The following FBXO42 variants were observed in gnomAD, a reference collection of about 807,000 sequenced individuals.
FBXO42 encodes the protein F-box only protein 42.
Under a neutral mutation model 71.7 loss-of-function variants are expected in FBXO42, and 12 were observed. The ratio of observed to expected loss-of-function variants is 0.17; its 90% CI spans 0.11 to 0.27. The LOEUF (loss-of-function observed/expected upper bound fraction) is 0.27. Ranked by LOEUF, FBXO42 falls within the 10% of genes least tolerant of loss-of-function variation. The pLI is 1.00. For synonymous variants in FBXO42, 325 were observed against 327.5 expected, an observed-to-expected ratio of 0.99 and a Z score of 0.08; for missense variants, 707 against 911.9, an observed-to-expected ratio of 0.78 and a Z score of 2.89.
Position 16,284,529 on chromosome 1 carries a change from AT to A in FBXO42, c.502+10253del, listed in dbSNP as rs139344951. 3.4e-3 allele frequency among the ~76,000 whole-genome samples: 514 copies of A among 152,166 alleles called. 2 individuals are homozygous for A. Among genetic ancestry groups the A allele is most frequent in the African/African-American group, 0.012 (492 of 41,520 alleles). ...CATCAGCATACATGTATGCTATAAA[AT>A]CTGTCATCTTAAAAAAACGAGCTGG... On this transcript the variant is annotated intron_variant, in intron 4 of 9. Transcript: ENST00000375592.
intron 4 of FBXO42, among the ~76,000 whole-genome samples, chr1:16,281,453 C>CT (rs2081962230): frequency 6.7e-6 from 1 of 150,186 alleles, no homozygotes; most frequent in Non-Finnish European, 1.5e-5. Context: ...GTGGCTATTT[C>CT]TTTTCTTTTT....
At chr1:16,343,361 T>C (rs1401312159) in intron 1 of FBXO42, among the ~76,000 whole-genome samples, 4 of 151,374 alleles carry the variant, frequency 2.6e-5, no homozygotes, top group East Asian at 3.9e-4. Flanking sequence ...GTGGGCAACA[T>C]GGCAAAACTC....
At chr1:16,259,262 A>G (rs1402847089) in intron 4 of FBXO42, among the ~76,000 whole-genome samples, 3 of 152,250 alleles carry the variant, frequency 2.0e-5, no homozygotes, top group South Asian at 2.1e-4. Flanking sequence ...TTGCTCTAAA[A>G]TAATTTAATT....
At chr1:16,311,487 CAAAA>C (rs138051911) in intron 2 of FBXO42, among the ~76,000 whole-genome samples, 62 of 110,760 alleles carry the variant, frequency 5.6e-4, no homozygotes, top group African/African-American at 1.6e-3. Flanking sequence ...GATCTTGTCT[CAAAA>C]AAAAAAAAAA....
chr1:16,254,969 ATG>A (rs1231941387), intron 6 of FBXO42, among the ~76,000 whole-genome samples: 1 of 151,842 alleles, frequency 6.6e-6, no homozygotes, highest in East Asian at 1.9e-4. Flanking sequence ...TGCCCTTTAC[ATG>A]TGGCTCAACC....
At position 16,285,114 on chromosome 1, in the gene FBXO42, C is replaced by T. The variant is rs1015910014; in HGVS notation, c.502+9669G>A. On this transcript the variant is annotated intron_variant, in intron 4 of 9. Transcript: ENST00000375592. ...TGAGCCGAGATCGCACCCCTGTACT[C>T]CAGCCCCGCGACACTGCAAGACTCA... is the stretch of plus-strand genomic sequence containing the variant. Among the ~76,000 whole-genome samples the T allele has an allele frequency of 2.6e-5, 4 of 151,842 alleles. No homozygotes were observed. The South Asian group carries it at 6.3e-4, about 24-fold the overall frequency.
intron 1 of FBXO42, among the ~76,000 whole-genome samples, chr1:16,333,676 C>T (rs1358397013): frequency 6.6e-6 from 1 of 152,170 alleles, no homozygotes; most frequent in Non-Finnish European, 1.5e-5. Context: ...GGCAAGAGCA[C>T]TAAAGCAATC....
At chr1:16,303,927 AT>A (rs906819487) in intron 3 of FBXO42, among the ~76,000 whole-genome samples, 26 of 151,278 alleles carry the variant, frequency 1.7e-4, no homozygotes, top group African/African-American at 5.6e-4. Flanking sequence ...TTATATATAT[AT>A]TTTTTTAAGA....
chr1:16,312,823 CTCTG>C (rs895812479), intron 2 of FBXO42, among the ~76,000 whole-genome samples: 1 of 148,748 alleles, frequency 6.7e-6, no homozygotes, highest in Admixed American at 6.8e-5. Context: ...GAGACAGAAT[CTCTG>C]TCTGTCATCC....
intron 4 of FBXO42, among the ~76,000 whole-genome samples, chr1:16,257,878 AC>A (rs2081662952): frequency 6.6e-6 from 1 of 152,096 alleles, no homozygotes; most frequent in Non-Finnish European, 1.5e-5. Context: ...ATGGGGTTTC[AC>A]CATGTTGGCC....
At chr1:16,263,611 T>G (rs965916188) in intron 4 of FBXO42, among the ~76,000 whole-genome samples, 8 of 151,294 alleles carry the variant, frequency 5.3e-5, no homozygotes, top group Non-Finnish European at 8.8e-5. Flanking sequence ...TAATCCCAGC[T>G]TCTTGTGAGG....
chr1:16,351,773 G>T (rs1269131296), intron 1 of FBXO42, among the ~76,000 whole-genome samples: 1 of 152,188 alleles, frequency 6.6e-6, no homozygotes, highest in African/African-American at 2.4e-5. Context: ...GGATAGGAAA[G>T]GCCTTTTGTG....
chr1:16,321,769 T>C (rs1238843460), intron 1 of FBXO42, among the ~76,000 whole-genome samples: 1 of 152,094 alleles, frequency 6.6e-6, no homozygotes, highest in Non-Finnish European at 1.5e-5. Flanking sequence ...TATAGTTCAC[T>C]GCAGCCTTGA....
At chr1:16,311,503 A>ATATATAT (rs1274920904) in intron 2 of FBXO42, among the ~76,000 whole-genome samples, 93 of 65,532 alleles carry the variant, frequency 1.4e-3, no homozygotes, top group South Asian at 2.8e-3. Context: ...AAAAAAAAAA[A>ATATATAT]ATATATATAT....
At position 16,250,915 on chromosome 1, in the gene FBXO42, G is replaced by C. The variant is rs1463214264; in HGVS notation, c.1909C>G (p.Gln637Glu). ...TGCATGGGCTTGCAGTTCATACTCT[G>C]GTATAGGGGTTTGCCAACATTTAGG... ...QSLNVGKPLY[Q>E]SMNCKPMQMY... is the part of the protein sequence containing the mutation. The change falls in exon 10 of 10, where the codon CAG becomes GAG. Residue 637 changes from glutamine to glutamate, a missense_variant. Physicochemically the swap from Gln to Glu is conservative, Grantham distance 29 (BLOSUM62 2). Transcript: ENST00000375592. The surrounding 1 kb of genome is among the most constrained non-coding windows in gnomAD (Gnocchi z 4.7). The C allele has an allele frequency of 6.2e-7, 1 of 1,614,034 alleles. No individual in the cohort carries two copies. Among genetic ancestry groups the C allele is most frequent in the East Asian group, 2.2e-5 (1 of 44,890 alleles).
chr1:16,343,818 C>CA (rs1202324273), intron 1 of FBXO42, among the ~76,000 whole-genome samples: 8 of 145,564 alleles, frequency 5.5e-5, no homozygotes, highest in African/African-American at 2.5e-5. Flanking sequence ...GACTACGTCT[C>CA]AAAAAAAAAT....
chr1:16,251,290 T>C lies in FBXO42; in HGVS notation c.1534A>G (p.Ser512Gly). The C allele has an allele frequency of 1.2e-6, 2 of 1,614,222 alleles. No homozygotes were observed. The highest frequency in any genetic ancestry group is 1.7e-6 in the Non-Finnish European group (2 of 1,180,024). Residue 512 changes from serine (S) to glycine (G), a missense_variant, in exon 10 of 10, where the codon AGT (serine) becomes GGT (glycine). Physicochemically the swap from Ser to Gly is moderately conservative, Grantham distance 56. This residue lies in a region of FBXO42 where 482 missense variants were observed against 587.1 expected (regional missense o/e 0.82). Coordinates refer to ENST00000375592, the MANE Select transcript of FBXO42 (RefSeq NM_018994.3). This position sits in a 1 kb window ranked among gnomAD's most constrained non-coding sequence, Gnocchi z 4.5. Reference protein sequence around the residue: ...LNWDLKPASSSNPMDGMDNRT... With the variant: ...LNWDLKPASSGNPMDGMDNRT... ...TTGTCCATGCCATCCATGGGATTACTACTGGAAGCGGGTTTCAGATCCCAA... is the reference window on the plus strand; with the variant it reads ...TTGTCCATGCCATCCATGGGATTACCACTGGAAGCGGGTTTCAGATCCCAA...
intron 1 of FBXO42, among the ~76,000 whole-genome samples, chr1:16,316,889 A>G (rs2100580769): frequency 6.6e-6 from 1 of 152,330 alleles, no homozygotes; most frequent in Admixed American, 6.5e-5. Context: ...TATCAACAAC[A>G]GAGCAAATAA....
At chr1:16,270,493 T>C (rs1368485872) in intron 4 of FBXO42, among the ~76,000 whole-genome samples, 1 of 151,810 alleles carries the variant, frequency 6.6e-6, no homozygotes, top group Non-Finnish European at 1.5e-5. Flanking sequence ...TTCATAAATA[T>C]AATCATGTCC....
Sources: gnomAD v4.1 joint callset for allele counts (sites outside exome capture counted in the v4.1 genomes callset) on GRCh38, gnomAD v4.1.1 for gene constraint, gnomAD v4.1.1 regional missense constraint, Gnocchi (gnomAD v3.1) non-coding constraint, MANE v1.5 for transcripts, NCBI Gene and HGNC (gene_info 2026-07-23, HGNC 2026-07-21) for gene names.